Variants in CDH18 observed in about 807,000 individuals in gnomAD.
CDH18 encodes cadherin-18.
CDH18 carries 31 observed loss-of-function variants against 67.9 expected under a neutral mutation model. That is an observed-to-expected ratio of 0.46 (90% CI 0.34 to 0.62). The LOEUF (loss-of-function observed/expected upper bound fraction) is 0.62, where lower values mean the gene tolerates loss of function less well. Among genes scored for constraint, CDH18 ranks in the 20% least tolerant of loss-of-function variants. The probability of loss-of-function intolerance (pLI) is 0.01; values close to 1 mark genes in which losing one functional copy is unlikely to be tolerated. For synonymous variants in CDH18, 362 were observed against 347.2 expected (o/e 1.04, Z -0.48); for missense variants, 890 against 975.5 (o/e 0.91, Z 1.17).
chr5:19,933,144 C>T (rs781286047), intron 2 of CDH18, among the ~76,000 whole-genome samples: 10 of 151,536 alleles, frequency 6.6e-5, no homozygotes, highest in Admixed American at 6.6e-4. Flanking sequence ...CCCTTTAATC[C>T]TTATTCTAGG....
At chr5:20,392,429 C>G (rs1276541801) in intron 1 of CDH18, among the ~76,000 whole-genome samples, 1 of 151,764 alleles carries the variant, frequency 6.6e-6, no homozygotes, top group Non-Finnish European at 1.5e-5. Context: ...CTCTTAACTT[C>G]CAATAATTTT....
intron 2 of CDH18, among the ~76,000 whole-genome samples, chr5:20,100,506 C>A (rs1324118264): frequency 6.6e-6 from 1 of 152,172 alleles, no homozygotes; most frequent in East Asian, 1.9e-4. Context: ...GCATATCTGA[C>A]ATTTAAAAAT....
chr5:20,518,888 G>C (rs987287324), intron 1 of CDH18, among the ~76,000 whole-genome samples: 1 of 152,124 alleles, frequency 6.6e-6, no homozygotes, highest in Non-Finnish European at 1.5e-5. Flanking sequence ...AATAGTTAAG[G>C]ATAACTTACA....
intron 3 of CDH18, among the ~76,000 whole-genome samples, chr5:19,827,864 C>A (rs904620913): frequency 6.6e-6 from 1 of 151,880 alleles, no homozygotes; most frequent in African/African-American, 2.4e-5. Context: ...TAAGAAATAA[C>A]CAAAAACAGA....
chr5:19,854,917 A>C (rs1581659190), intron 2 of CDH18, among the ~76,000 whole-genome samples: 1 of 135,774 alleles, frequency 7.4e-6, no homozygotes, highest in African/African-American at 2.7e-5. Context: ...CCATCATGCT[A>C]CTCCCTATCT....
chr5:20,421,158 A>C (rs191461785), intron 1 of CDH18, among the ~76,000 whole-genome samples: 16 of 151,076 alleles, frequency 1.1e-4, no homozygotes, highest in Admixed American at 9.2e-4. Context: ...TTGTCATCTG[A>C]CTGACACAGG....
At chr5:19,889,970 C>T (rs1788613084) in intron 2 of CDH18, among the ~76,000 whole-genome samples, 1 of 152,122 alleles carries the variant, frequency 6.6e-6, no homozygotes, top group African/African-American at 2.4e-5. Context: ...TGGTTACCAT[C>T]TAAGAATCTT....
intron 2 of CDH18, among the ~76,000 whole-genome samples, chr5:20,110,170 G>A (rs1747335996): frequency 1.3e-5 from 2 of 152,158 alleles, no homozygotes; most frequent in South Asian, 4.1e-4. Context: ...TCTCTTCCAC[G>A]GATCCCACAT....
rs367798000 is a variant in CDH18, at chr5:20,013,336, G to A, written c.-517-21322C>T. 2.5e-3 allele frequency among the ~76,000 whole-genome samples: 385 copies of A among 152,040 alleles called. 1 individual carries two copies. Among genetic ancestry groups the A allele is most frequent in the African/African-American group, 9.0e-3 (373 of 41,494 alleles). ...AGAGTTAACTCTCTCTCATTGGGAC[G>A]CTTTCTTAATATACTCTTTCTGTAC... On this transcript the variant is annotated intron_variant, in intron 2 of 14. Coordinates refer to the CDH18 transcript ENST00000507958.
At chr5:20,271,924 C>CAGAGAG (rs201955881) in intron 1 of CDH18, among the ~76,000 whole-genome samples, 14,202 of 146,548 alleles carry the variant, frequency 0.097, 927 homozygotes, top group African/African-American at 0.17. Flanking sequence ...TGTAGAGAGG[C>CAGAGAG]AGAGAGAGAG....
At chr5:20,444,617 G>A (rs1358520865) in intron 1 of CDH18, among the ~76,000 whole-genome samples, 1 of 152,272 alleles carries the variant, frequency 6.6e-6, no homozygotes, top group African/African-American at 2.4e-5. Flanking sequence ...TAAACTGTGA[G>A]ATTCAAAGAT....
intron 2 of CDH18, among the ~76,000 whole-genome samples, chr5:20,143,472 A>T (rs1170451020): frequency 1.3e-5 from 2 of 152,042 alleles, no homozygotes; most frequent in Non-Finnish European, 2.9e-5. Context: ...GGCTCAAGTG[A>T]TCCTCCCACC....
At chr5:19,533,827 G>A (rs1749021797) in intron 9 of CDH18, among the ~76,000 whole-genome samples, 1 of 152,000 alleles carries the variant, frequency 6.6e-6, no homozygotes, top group South Asian at 2.1e-4. Flanking sequence ...CTTTCTGATT[G>A]CTCTTATTTT....
At chr5:20,267,448 CT>C (rs1488895749) in intron 1 of CDH18, among the ~76,000 whole-genome samples, 4 of 151,768 alleles carry the variant, frequency 2.6e-5, no homozygotes, top group South Asian at 2.1e-4. Context: ...AATTCTAGGA[CT>C]TTTTTTTCTA....
At chr5:19,751,808 T>G (rs1770883029) in intron 3 of CDH18, among the ~76,000 whole-genome samples, 1 of 152,196 alleles carries the variant, frequency 6.6e-6, no homozygotes, top group Non-Finnish European at 1.5e-5. Flanking sequence ...TTTTTAAAAA[T>G]TTAATCCATC....
At chr5:20,057,747 T>G (rs1048960832) in intron 2 of CDH18, among the ~76,000 whole-genome samples, 1 of 152,162 alleles carries the variant, frequency 6.6e-6, no homozygotes, top group Admixed American at 6.5e-5. Flanking sequence ...TTAACCACTT[T>G]TTTTTCTAAT....
At chr5:19,851,784 T>C (rs1783735382) in intron 2 of CDH18, among the ~76,000 whole-genome samples, 1 of 151,578 alleles carries the variant, frequency 6.6e-6, no homozygotes. Flanking sequence ...TATATTCCCC[T>C]TGAAAAGCGT....
chr5:20,114,316 T>A (rs1747716212), intron 2 of CDH18, among the ~76,000 whole-genome samples: 1 of 152,138 alleles, frequency 6.6e-6, no homozygotes, highest in Non-Finnish European at 1.5e-5. Context: ...CTATCATACG[T>A]CTATATAATA....
chr5:20,550,533 T>A (rs1757574520), intron 1 of CDH18, among the ~76,000 whole-genome samples: 1 of 152,214 alleles, frequency 6.6e-6, no homozygotes. Flanking sequence ...GTAACATTAA[T>A]GTTGTCCATC....
Sources: gnomAD v4.1 joint callset for allele counts (sites outside exome capture counted in the v4.1 genomes callset) on GRCh38, gnomAD v4.1.1 for gene constraint, MANE v1.5 for transcripts, NCBI Gene and HGNC (gene_info 2026-07-23, HGNC 2026-07-21) for gene names.